The following FLRT2 variants were observed in gnomAD, a reference collection of about 807,000 sequenced individuals.
The protein encoded by FLRT2 is fibronectin leucine rich transmembrane protein 2.
FLRT2 carries 15 observed loss-of-function variants against 40.0 expected under a neutral mutation model. The ratio of observed to expected loss-of-function variants is 0.38; its 90% CI spans 0.25 to 0.58. The LOEUF is 0.58. Among genes scored for constraint, FLRT2 ranks in the 20% least tolerant of loss-of-function variants. The pLI, the probability that FLRT2 is intolerant of heterozygous loss-of-function variation, is 0.71. For synonymous variants in FLRT2, 380 were observed against 336.8 expected (o/e 1.13, Z -1.41); for missense variants, 726 against 840.0 (o/e 0.86, Z 1.68).
chr14:85,614,421 G>A (rs1893032068), intron 1 of FLRT2, among the ~76,000 whole-genome samples: 1 of 151,998 alleles, frequency 6.6e-6, no homozygotes. Context: ...GGTGCCCTTT[G>A]TCATGCTGTT....
At chr14:85,601,423 A>C (rs1224296502) in intron 1 of FLRT2, among the ~76,000 whole-genome samples, 1 of 152,330 alleles carries the variant, frequency 6.6e-6, no homozygotes, top group Admixed American at 6.5e-5. Flanking sequence ...TATGCCCAAC[A>C]TCACCAGTTC....
At chr14:85,568,179 G>A (rs1361274387) in intron 1 of FLRT2, among the ~76,000 whole-genome samples, 1 of 151,510 alleles carries the variant, frequency 6.6e-6, no homozygotes, top group Admixed American at 6.6e-5. Flanking sequence ...GTAGGGGTAG[G>A]CATTGCCTTT....
Position 85,636,408 on chromosome 14 carries a change from A to C in FLRT2, c.*12911A>C, listed in dbSNP as rs1179123736. The C allele has an allele frequency of 4.2e-5, 3 of 71,632 alleles. No individual in the cohort carries two copies. The highest frequency in any genetic ancestry group is 1.2e-4 in the Non-Finnish European group (3 of 25,792). 4.4% of individuals were successfully genotyped at this position (71,632 alleles called of 1,614,324 possible). ...ACCTGCAGAAAAAAAAAAAAAAAAA[A>C]CAAAAAACATTCTTATTAATCTTAA... On this transcript the variant is annotated 3_prime_UTR_variant, in exon 2 of 2. Coordinates refer to ENST00000330753, the MANE Select transcript of FLRT2 (RefSeq NM_013231.6).
intron 1 of FLRT2, among the ~76,000 whole-genome samples, chr14:85,584,184 G>T: frequency 6.6e-6 from 1 of 152,096 alleles, no homozygotes; most frequent in East Asian, 1.9e-4. Context: ...TGGTGAACTA[G>T]GGCTCCTTAG....
chr14:85,618,039 G>A (rs1893212109), intron 1 of FLRT2, among the ~76,000 whole-genome samples: 1 of 152,198 alleles, frequency 6.6e-6, no homozygotes, highest in African/African-American at 2.4e-5. Flanking sequence ...GCTGATGGGG[G>A]CCTGTTCTCT....
At chr14:85,606,885 T>C (rs1460857753) in intron 1 of FLRT2, among the ~76,000 whole-genome samples, 1 of 151,286 alleles carries the variant, frequency 6.6e-6, no homozygotes, top group East Asian at 2.0e-4. Context: ...ACTTCTTGCA[T>C]TATTACACCC....
Position 85,622,692 on chromosome 14 carries a change from G to A in FLRT2, c.1178G>A (p.Arg393Lys). 9 of 1,613,956 alleles carry A rather than the reference G, an allele frequency of 5.6e-6. No individual in the cohort carries two copies. Among genetic ancestry groups the A allele is most frequent in the Non-Finnish European group, 7.6e-6 (9 of 1,180,002 alleles). ...ACCCTCTCTATTCCAAACCCTAGCA[G>A]AAGCTACACGCCTCCAACTCCTACC... Reference protein sequence around the residue: ...PPTLSIPNPSRSYTPPTPTTS... With the variant: ...PPTLSIPNPSKSYTPPTPTTS... The change falls in exon 2 of 2, where the codon AGA becomes AAA. Residue 393 changes from arginine (R) to lysine (K), a missense_variant. Physicochemically the swap from Arg to Lys is conservative, Grantham distance 26. Coordinates refer to ENST00000330753, the MANE Select transcript of FLRT2 (RefSeq NM_013231.6).
At position 85,641,519 on chromosome 14, in the gene FLRT2, G is replaced by A. The variant is rs1894148487; in HGVS notation, c.*18022G>A. On this transcript the variant is annotated 3_prime_UTR_variant, in exon 2 of 2. Coordinates refer to ENST00000330753, the MANE Select transcript of FLRT2 (RefSeq NM_013231.6). ...TCAGGTGATGTGAATAGCAGCAGGA[G>A]AGACCTGATTTCTGGATAAGGACTA... 6.6e-6 allele frequency: 1 copy of A among 152,238 alleles called. No homozygotes were observed. Among genetic ancestry groups the A allele is most frequent in the African/African-American group, 2.4e-5 (1 of 41,460 alleles). 9.4% of individuals were successfully genotyped at this position (152,238 alleles called of 1,614,324 possible).
chr14:85,622,795 C>T lies in FLRT2; in HGVS notation c.1281C>T (p.Leu427=), dbSNP rs1170703301. 3 of 1,614,192 alleles carry T rather than the reference C, an allele frequency of 1.9e-6. No homozygotes were observed. The highest frequency in any genetic ancestry group is 2.5e-6 in the Non-Finnish European group (3 of 1,180,028). ...VTPPISERIQ[L]SIHFVNDTSI... ...CACCTATTTCTGAACGGATCCAGCTCTCTATCCATTTTGTGAATGATACTT... is the reference window on the plus strand; with the variant it reads ...CACCTATTTCTGAACGGATCCAGCTTTCTATCCATTTTGTGAATGATACTT... Residue 427 remains leucine (L), a synonymous_variant, in exon 2 of 2, where the codon CTC becomes CTT. Coordinates refer to ENST00000330753, the MANE Select transcript of FLRT2 (RefSeq NM_013231.6).
intron 1 of FLRT2, among the ~76,000 whole-genome samples, chr14:85,604,826 G>T (rs1445475704): frequency 6.6e-6 from 1 of 152,150 alleles, no homozygotes; most frequent in African/African-American, 2.4e-5. Flanking sequence ...AGTCTTTCCT[G>T]CTGTGTGTGT....
At chr14:85,577,773 G>C (rs1001625027) in intron 1 of FLRT2, among the ~76,000 whole-genome samples, 2 of 151,968 alleles carry the variant, frequency 1.3e-5, no homozygotes, top group Non-Finnish European at 2.9e-5. Flanking sequence ...TAGACATGGA[G>C]TCTCACAGTG....
chr14:85,650,706 G>C lies in FLRT2; in HGVS notation c.*27209G>C, dbSNP rs1476028872. Reference sequence around the variant, plus strand: ...TTTAATTTGTACTTCCCCAGTTCCTGTTGTGTTTAAGTTTGTTTTTTATTT... The same window carrying C: ...TTTAATTTGTACTTCCCCAGTTCCTCTTGTGTTTAAGTTTGTTTTTTATTT... On this transcript the variant is annotated 3_prime_UTR_variant, in exon 2 of 2. Transcript: ENST00000330753. The C allele has an allele frequency of 6.6e-6, 1 of 151,474 alleles. No individual in the cohort carries two copies. Among genetic ancestry groups the C allele is most frequent in the East Asian group, 1.9e-4 (1 of 5,164 alleles). The allele number at this position is 151,474 out of a possible 1,614,324, so 9.4% of individuals were successfully genotyped here.
chr14:85,541,054 G>A (rs550429148), intron 1 of FLRT2, among the ~76,000 whole-genome samples: 1 of 152,230 alleles, frequency 6.6e-6, no homozygotes, highest in East Asian at 1.9e-4. Flanking sequence ...TGCCAGTTTA[G>A]CACATATGTC....
intron 1 of FLRT2, among the ~76,000 whole-genome samples, chr14:85,582,177 C>T (rs929725560): frequency 2.0e-5 from 3 of 151,962 alleles, no homozygotes; most frequent in African/African-American, 7.2e-5. Context: ...ACAAATGGAG[C>T]GTTGATAGAA....
chr14:85,611,917 CGT>C (rs71120529), intron 1 of FLRT2, among the ~76,000 whole-genome samples: 27,447 of 130,650 alleles, frequency 0.21, 2,708 homozygotes, highest in East Asian at 0.28. Context: ...TGCGCGAAAG[CGT>C]GTGTGTGTGT....
chr14:85,571,145 ATACTT>A (rs1020281616), intron 1 of FLRT2, among the ~76,000 whole-genome samples: 1 of 152,136 alleles, frequency 6.6e-6, no homozygotes, highest in African/African-American at 2.4e-5. Flanking sequence ...TTCAATGGAT[ATACTT>A]TACTTCAGCC....
intron 1 of FLRT2, among the ~76,000 whole-genome samples, chr14:85,586,759 G>A (rs1366280339): frequency 1.3e-5 from 2 of 152,060 alleles, no homozygotes; most frequent in Non-Finnish European, 2.9e-5. Flanking sequence ...CTTTGTTTAG[G>A]TTTCTGTTTT....
rs1397286081 is a variant in FLRT2 at position 85,631,197 on chromosome 14, A to G, written c.*7700A>G. The G allele has an allele frequency of 6.9e-6, 1 of 144,092 alleles. No individual in the cohort carries two copies. Among genetic ancestry groups the G allele is most frequent in the African/African-American group, 2.6e-5 (1 of 37,930 alleles). The allele number at this position is 144,092 out of a possible 1,614,324, so 8.9% of individuals were successfully genotyped here. ...CTCAAGTTCCTTCAAACCACTATAT[A>G]TGTGCTCAAGGTCTTTCATCCTGTG... On this transcript the variant is annotated 3_prime_UTR_variant, in exon 2 of 2. Coordinates refer to ENST00000330753, the MANE Select transcript of FLRT2 (RefSeq NM_013231.6).
chr14:85,571,801 G>T (rs993222938), intron 1 of FLRT2, among the ~76,000 whole-genome samples: 1 of 152,144 alleles, frequency 6.6e-6, no homozygotes, highest in Non-Finnish European at 1.5e-5. Context: ...TCTCACTACG[G>T]TGACCTAAAC....
Sources: allele counts gnomAD v4.1 joint callset (sites outside exome capture counted in the v4.1 genomes callset), GRCh38; gene constraint gnomAD v4.1.1; transcripts MANE v1.5; gene names NCBI Gene and HGNC (gene_info 2026-07-23, HGNC 2026-07-21).